The following PARD3 variants were observed in gnomAD, a reference collection of about 807,000 sequenced individuals.
PARD3 encodes par-3 family cell polarity regulator.
Under a neutral mutation model 155.4 loss-of-function variants are expected in PARD3, and 75 were observed. The observed-to-expected ratio is 0.48, with a 90% confidence interval of 0.40 to 0.58. The LOEUF is 0.58. Ranked by LOEUF, PARD3 falls within the 20% of genes least tolerant of loss-of-function variation. The probability of loss-of-function intolerance (pLI) is 0.00; values close to 1 mark genes in which losing one functional copy is unlikely to be tolerated. For synonymous variants in PARD3, 576 were observed against 610.5 expected, an observed-to-expected ratio of 0.94 and a Z score of 0.83; for missense variants, 1,642 against 1,721.7, an observed-to-expected ratio of 0.95 and a Z score of 0.82.
intron 3 of PARD3, among the ~76,000 whole-genome samples, chr10:34,506,620 TG>T (rs2081082053): frequency 1.3e-5 from 2 of 152,192 alleles, no homozygotes; most frequent in Admixed American, 6.5e-5. Context: ...AGTCCACAGA[TG>T]AAATGTTTCA....
chr10:34,597,836 G>A (rs1349468427), intron 2 of PARD3, among the ~76,000 whole-genome samples: 1 of 152,128 alleles, frequency 6.6e-6, no homozygotes, highest in African/African-American at 2.4e-5. Context: ...AGAAGCAGGA[G>A]GGCGAACTGC....
Position 34,558,149 on chromosome 10 carries a change from G to A in PARD3, c.223-40990C>T, listed in dbSNP as rs562329817. 9.2e-5 allele frequency among the ~76,000 whole-genome samples: 14 copies of A among 151,916 alleles called. No individual in the cohort carries two copies. The East Asian group carries it at 1.7e-3, about 19-fold the overall frequency. On this transcript the variant is annotated intron_variant, in intron 2 of 24. Coordinates refer to ENST00000374788, the MANE Select transcript of PARD3 (RefSeq NM_001184785.2). ...CATGTTCTCACTTTGCATGTGGACT[G>A]CACATCTTTTTGCTAAAAAAAAAAA...
rs542812832 is a variant in PARD3 at position 34,726,785 on chromosome 10, C to T, written c.121-30366G>A. Among the ~76,000 whole-genome samples, 12 of 150,518 alleles carry T rather than the reference C, an allele frequency of 8.0e-5. No homozygotes were observed. In the South Asian group the frequency reaches 1.9e-3, roughly 24 times the overall value. ...CTCCAAAAAAAAAAGTGGGGGGAGG[C>T]GGGAGCGGGGGTCTTTTCTGTCTCA... On this transcript the variant is annotated intron_variant, in intron 1 of 24. Transcript: ENST00000374788.
chr10:34,344,614 G>A, intron 15 of PARD3: 10 of 985,342 alleles, frequency 1.0e-5, no homozygotes, highest in Non-Finnish European at 1.1e-5. Flanking sequence ...TTAGTTAAGA[G>A]AGACCAACCA....
At chr10:34,251,840 T>C (rs1177665155) in intron 22 of PARD3, among the ~76,000 whole-genome samples, 1 of 152,306 alleles carries the variant, frequency 6.6e-6, no homozygotes, top group South Asian at 2.1e-4. Flanking sequence ...TTATCACACA[T>C]ACATCCCATA....
intron 22 of PARD3, among the ~76,000 whole-genome samples, chr10:34,169,663 G>A (rs542514914): frequency 4.1e-4 from 62 of 152,298 alleles, no homozygotes; most frequent in African/African-American, 1.4e-3. Flanking sequence ...AGAAGGAAAC[G>A]ATGAAGATGT....
chr10:34,408,866 AATAAG>A lies in PARD3; in HGVS notation c.715-6954_715-6950del, dbSNP rs1443561927. ...TAATAATATAATAATATATAGCAAA[AATAAG>A]ATATTTTAAAATTAAAAATATTCCC... On this transcript the variant is annotated intron_variant, in intron 5 of 24. Transcript: ENST00000374788. Among the ~76,000 whole-genome samples the A allele has an allele frequency of 1.1e-4, 17 of 151,862 alleles. No homozygotes were observed. The East Asian group carries it at 3.1e-3, about 28-fold the overall frequency.
chr10:34,591,804 CA>C (rs2088719044), intron 2 of PARD3, among the ~76,000 whole-genome samples: 1 of 152,144 alleles, frequency 6.6e-6, no homozygotes, highest in Non-Finnish European at 1.5e-5. Context: ...GAGTTTCGAT[CA>C]AGGTTAGGAG....
At chr10:34,122,499 T>C (rs7899792) in intron 23 of PARD3, among the ~76,000 whole-genome samples, 32,469 of 151,940 alleles carry the variant, frequency 0.21, 3,657 homozygotes, top group Middle Eastern at 0.35. Context: ...AGTGAATGAG[T>C]TTGGGATCAG....
chr10:34,370,856 G>A (rs1221179521), intron 12 of PARD3, among the ~76,000 whole-genome samples: 5 of 151,042 alleles, frequency 3.3e-5, no homozygotes, highest in African/African-American at 7.3e-5. Flanking sequence ...GTAAATGACT[G>A]TGGATCTATT....
chr10:34,135,186 G>A (rs758036404), intron 22 of PARD3, among the ~76,000 whole-genome samples: 1 of 152,206 alleles, frequency 6.6e-6, no homozygotes, highest in Non-Finnish European at 1.5e-5. Flanking sequence ...CAGGGATGCT[G>A]AGAGGAACAG....
At chr10:34,131,726 AAT>A (rs1947623245) in intron 22 of PARD3, 143 bp from the exon 23 acceptor site, 1 of 699,520 alleles carries the variant, frequency 1.4e-6, no homozygotes, top group Non-Finnish European at 2.4e-6. Context: ...GGGCATTTAA[AAT>A]ATGTTTTCAT....
chr10:34,543,362 G>A (rs757096021), intron 2 of PARD3, among the ~76,000 whole-genome samples: 1 of 151,924 alleles, frequency 6.6e-6, no homozygotes, highest in African/African-American at 2.4e-5. Flanking sequence ...TAAAATATAA[G>A]CTAATAAATG....
At chr10:34,114,107 A>C (rs1285239601) in intron 24 of PARD3, among the ~76,000 whole-genome samples, 1 of 151,778 alleles carries the variant, frequency 6.6e-6, no homozygotes, top group Non-Finnish European at 1.5e-5. Flanking sequence ...AGATGTTTTG[A>C]AAAAATTAGC....
intron 5 of PARD3, among the ~76,000 whole-genome samples, chr10:34,448,136 T>C (rs1476066882): frequency 1.8e-5 from 2 of 110,038 alleles, no homozygotes; most frequent in East Asian, 4.1e-4. Context: ...ATACACTGCG[T>C]GTGTGTGTGT....
intron 5 of PARD3, among the ~76,000 whole-genome samples, chr10:34,406,723 T>G (rs1352816179): frequency 6.9e-6 from 1 of 143,964 alleles, no homozygotes; most frequent in Admixed American, 7.0e-5. Context: ...ATTTGAAAAA[T>G]AAAAGGCATC....
intron 3 of PARD3, among the ~76,000 whole-genome samples, chr10:34,484,815 T>C (rs757513158): frequency 9.2e-5 from 14 of 152,194 alleles, no homozygotes; most frequent in Non-Finnish European, 2.1e-4. Flanking sequence ...ATTTTACCTA[T>C]GAACCTTTTG....
chr10:34,668,816 T>C (rs186910725), intron 2 of PARD3, among the ~76,000 whole-genome samples: 1 of 151,844 alleles, frequency 6.6e-6, no homozygotes, highest in Non-Finnish European at 1.5e-5. Flanking sequence ...CTACTAAAAA[T>C]TTTTAAAAGT....
intron 12 of PARD3, among the ~76,000 whole-genome samples, chr10:34,369,739 T>C (rs1355942090): frequency 6.6e-6 from 1 of 152,184 alleles, no homozygotes; most frequent in Non-Finnish European, 1.5e-5. Flanking sequence ...TGCTCCAAAA[T>C]CAACCCTGAG....
Sources: gnomAD v4.1 joint callset for allele counts (sites outside exome capture counted in the v4.1 genomes callset) on GRCh38, gnomAD v4.1.1 for gene constraint, MANE v1.5 for transcripts, NCBI Gene and HGNC (gene_info 2026-07-23, HGNC 2026-07-21) for gene names.